Variants in TCERG1L observed in about 807,000 individuals in gnomAD.
TCERG1L encodes the protein transcription elongation regulator 1-like protein.
Under a neutral mutation model 56.3 loss-of-function variants are expected in TCERG1L, and 37 were observed. The ratio of observed to expected loss-of-function variants is 0.66; its 90% CI spans 0.51 to 0.87. The LOEUF is 0.87. Among genes scored for constraint, TCERG1L ranks in the 40% least tolerant of loss-of-function variants. The pLI is 0.00. For missense variants in TCERG1L, 799 were observed against 774.2 expected, an observed-to-expected ratio of 1.03 and a Z score of -0.38; for synonymous variants, 324 against 326.3, an observed-to-expected ratio of 0.99 and a Z score of 0.08.
At chr10:131,295,780 C>T (rs889393901) in intron 3 of TCERG1L, among the ~76,000 whole-genome samples, 1 of 152,122 alleles carries the variant, frequency 6.6e-6, no homozygotes, top group Non-Finnish European at 1.5e-5. Context: ...GTATATATTA[C>T]ATTGTTGTCA....
At chr10:131,184,636 C>T (rs916035242) in intron 4 of TCERG1L, among the ~76,000 whole-genome samples, 6 of 152,228 alleles carry the variant, frequency 3.9e-5, no homozygotes, top group African/African-American at 1.4e-4. Context: ...TGCGTGTACA[C>T]ATCGGTCACG....
intron 3 of TCERG1L, among the ~76,000 whole-genome samples, chr10:131,280,148 G>T (rs1488468671): frequency 6.6e-6 from 1 of 152,152 alleles, no homozygotes; most frequent in Non-Finnish European, 1.5e-5. Context: ...CAAAGCCAAG[G>T]TGGGAAGACT....
At chr10:131,282,895 A>G (rs1846477322) in intron 3 of TCERG1L, among the ~76,000 whole-genome samples, 1 of 152,224 alleles carries the variant, frequency 6.6e-6, no homozygotes, top group Admixed American at 6.5e-5. Flanking sequence ...TTATCATAAC[A>G]TTACTTCTCA....
At chr10:131,105,126 T>C (rs1845340024) in intron 9 of TCERG1L, among the ~76,000 whole-genome samples, 1 of 152,238 alleles carries the variant, frequency 6.6e-6, no homozygotes, top group Non-Finnish European at 1.5e-5. Context: ...TCAGGTGCAT[T>C]GCAGGACACT....
At chr10:131,179,088 G>A (rs942602597) in intron 4 of TCERG1L, among the ~76,000 whole-genome samples, 1 of 152,180 alleles carries the variant, frequency 6.6e-6, no homozygotes, top group African/African-American at 2.4e-5. Flanking sequence ...GGTGGAAGCC[G>A]GGGCTTCTGT....
In TCERG1L at chr10:131,191,384, T is replaced by G. The variant is rs906070193; in HGVS notation, c.857-24499A>C. 4.2e-5 allele frequency among the ~76,000 whole-genome samples: 6 copies of G among 143,670 alleles called. 1 individual carries two copies. Among genetic ancestry groups the G allele is most frequent in the African/African-American group, 1.3e-4 (5 of 38,068 alleles). The allele number at this position is 143,670 out of a possible 152,430, so 94.3% of individuals were successfully genotyped here. A position where few individuals can be genotyped will look rare whatever the true frequency, so the allele number is the denominator to read the frequency against. ...GTCACAGAATTAGAAAAAACAATTCTAAAATTCATATGGAACCAAAAAAGA... is the reference window on the plus strand; with the variant it reads ...GTCACAGAATTAGAAAAAACAATTCGAAAATTCATATGGAACCAAAAAAGA... On this transcript the variant is annotated intron_variant, in intron 4 of 11. Coordinates refer to ENST00000368642, the MANE Select transcript of TCERG1L (RefSeq NM_174937.4).
chr10:131,123,041 T>C (rs1403520743), intron 8 of TCERG1L, among the ~76,000 whole-genome samples: 1 of 152,174 alleles, frequency 6.6e-6, no homozygotes, highest in Non-Finnish European at 1.5e-5. Flanking sequence ...CGTTCATCTA[T>C]TATAGAACCC....
intron 4 of TCERG1L, among the ~76,000 whole-genome samples, chr10:131,232,359 G>A (rs1015035957): frequency 1.3e-5 from 2 of 152,204 alleles, no homozygotes; most frequent in African/African-American, 2.4e-5. Context: ...GGCACACGCC[G>A]GGGCACTCCC....
At chr10:131,274,954 G>A (rs1846377448) in intron 3 of TCERG1L, among the ~76,000 whole-genome samples, 1 of 152,176 alleles carries the variant, frequency 6.6e-6, no homozygotes, top group Admixed American at 6.5e-5. Flanking sequence ...AAGGCTGTGG[G>A]CACAGACCTG....
At chr10:131,294,496 C>T (rs1200876517) in intron 3 of TCERG1L, among the ~76,000 whole-genome samples, 1 of 152,246 alleles carries the variant, frequency 6.6e-6, no homozygotes, top group African/African-American at 2.4e-5. Flanking sequence ...CTCAGGGCAG[C>T]TGTCCTCAAC....
chr10:131,253,657 T>C (rs1846135570), intron 4 of TCERG1L, among the ~76,000 whole-genome samples: 1 of 152,110 alleles, frequency 6.6e-6, no homozygotes, highest in African/African-American at 2.4e-5. Context: ...GCGATGAAGG[T>C]CTGCGGAGTA....
At position 131,103,428 on chromosome 10, in the gene TCERG1L, C is replaced by T. The variant is rs1287153763; in HGVS notation, c.1485+837G>A. ...GTGATGAGCCAGGTGCGGTGGCTCACGCCTGTAATCCCAACACTTTGGGAG... is the reference window on the plus strand; with the variant it reads ...GTGATGAGCCAGGTGCGGTGGCTCATGCCTGTAATCCCAACACTTTGGGAG... On this transcript the variant is annotated intron_variant, in intron 10 of 11. Transcript: ENST00000368642. The surrounding 1 kb of genome is among the most constrained non-coding windows in gnomAD (Gnocchi z 4.3). 2.0e-5 allele frequency among the ~76,000 whole-genome samples: 3 copies of T among 152,152 alleles called. No homozygotes were observed. The highest frequency in any genetic ancestry group is 6.5e-5 in the Admixed American group (1 of 15,284).
chr10:131,310,517 T>C (rs969636725), intron 1 of TCERG1L, among the ~76,000 whole-genome samples: 1 of 152,234 alleles, frequency 6.6e-6, no homozygotes, highest in African/African-American at 2.4e-5. Context: ...TGGAATAAAA[T>C]GCACGCTATT....
At chr10:131,255,454 T>A (rs1240887872) in intron 4 of TCERG1L, among the ~76,000 whole-genome samples, 1 of 152,220 alleles carries the variant, frequency 6.6e-6, no homozygotes, top group African/African-American at 2.4e-5. Context: ...AAGGAATAAT[T>A]GGCACATCTT....
intron 4 of TCERG1L, among the ~76,000 whole-genome samples, chr10:131,242,661 T>A (rs1238988291): frequency 2.6e-5 from 4 of 152,214 alleles, no homozygotes; most frequent in African/African-American, 9.6e-5. Flanking sequence ...CAGAAATACA[T>A]ACTCGTTGAC....
At chr10:131,269,576 G>A (rs1846318181) in intron 3 of TCERG1L, among the ~76,000 whole-genome samples, 1 of 152,208 alleles carries the variant, frequency 6.6e-6, no homozygotes, top group Non-Finnish European at 1.5e-5. Flanking sequence ...GGTTGGTGGA[G>A]CAGTTAGAAC....
At chr10:131,259,834 G>T (rs903639318) in intron 4 of TCERG1L, among the ~76,000 whole-genome samples, 3 of 152,214 alleles carry the variant, frequency 2.0e-5, no homozygotes, top group African/African-American at 4.8e-5. Context: ...GGACTGCCTG[G>T]GGGGAGCAGC....
intron 9 of TCERG1L, among the ~76,000 whole-genome samples, chr10:131,110,187 GA>G (rs1182788749): frequency 6.6e-6 from 1 of 152,192 alleles, no homozygotes; most frequent in Non-Finnish European, 1.5e-5. Context: ...GTGGTCTGGA[GA>G]ACCCAAAAGT....
intron 6 of TCERG1L, 68 bp from the exon 7 acceptor site, chr10:131,146,728 A>C (rs1845799830): frequency 1.5e-5 from 23 of 1,512,420 alleles, no homozygotes; most frequent in Non-Finnish European, 1.6e-5. Flanking sequence ...GTTAGCATGA[A>C]CTCTCACTGA....
Sources: allele counts gnomAD v4.1 joint callset (sites outside exome capture counted in the v4.1 genomes callset), GRCh38; gene constraint gnomAD v4.1.1; non-coding constraint Gnocchi (gnomAD v3.1); transcripts MANE v1.5; gene names NCBI Gene and HGNC (gene_info 2026-07-23, HGNC 2026-07-21).